RGS7: variants seen among roughly 807,000 people sequenced by gnomAD.
RGS7 encodes regulator of G-protein signaling 7.
A neutral mutation model predicts 81.1 loss-of-function variants in RGS7; 27 were observed. The ratio of observed to expected loss-of-function variants is 0.33; its 90% CI spans 0.25 to 0.46. The LOEUF is 0.46. Ranked by LOEUF, RGS7 falls within the 20% of genes least tolerant of loss-of-function variation. The pLI is 1.00. For missense variants in RGS7, 396 were observed against 607.4 expected (o/e 0.65, Z 3.66); for synonymous variants, 208 against 207.7 (o/e 1.00, Z -0.01).
intron 4 of RGS7, among the ~76,000 whole-genome samples, chr1:240,961,050 A>T (rs1177063187): frequency 1.3e-5 from 2 of 152,194 alleles, no homozygotes; most frequent in African/African-American, 4.8e-5. Flanking sequence ...AGAAATTTTT[A>T]TTCAGATAAT....
In RGS7 at chr1:240,835,801, G is replaced by A. The variant is rs112178303; in HGVS notation, c.610-8629C>T. On this transcript the variant is annotated intron_variant, in intron 9 of 18. Transcript: ENST00000440928. ...ACAAAAAGACAAGGAGGAACCTTAC[G>A]TGCGTATTACTAAGTGAAAGAAGCC... Among the ~76,000 whole-genome samples the A allele has an allele frequency of 1.5e-4, 23 of 152,234 alleles. 1 individual carries two copies. The highest frequency in any genetic ancestry group is 5.1e-4 in the African/African-American group (21 of 41,542).
At chr1:240,924,091 A>G (rs1394473255) in intron 6 of RGS7, among the ~76,000 whole-genome samples, 1 of 152,206 alleles carries the variant, frequency 6.6e-6, no homozygotes, top group Non-Finnish European at 1.5e-5. Context: ...GGATATGGCA[A>G]GCTTTCTACC....
At chr1:240,816,206 A>C (rs953130861) in intron 11 of RGS7, 111 bp downstream of exon 11, 14 of 761,194 alleles carry the variant, frequency 1.8e-5, no homozygotes, top group Admixed American at 3.6e-5. Context: ...CACATGAAAC[A>C]GTCAGTCATA....
At chr1:241,071,874 C>CAAAAAAGAAA (rs2062475038) in intron 3 of RGS7, among the ~76,000 whole-genome samples, 3 of 56,856 alleles carry the variant, frequency 5.3e-5, no homozygotes, top group Non-Finnish European at 8.6e-5. Flanking sequence ...GAGACCCTGT[C>CAAAAAAGAAA]AAAAAAAAAA....
intron 2 of RGS7, among the ~76,000 whole-genome samples, chr1:241,112,792 T>A (rs2065616490): frequency 6.6e-6 from 1 of 152,232 alleles, no homozygotes; most frequent in Non-Finnish European, 1.5e-5. Context: ...TGTTGCCGAT[T>A]CAAGGCACTA....
intron 2 of RGS7, among the ~76,000 whole-genome samples, chr1:241,127,073 T>C (rs922243122): frequency 6.6e-6 from 1 of 152,144 alleles, no homozygotes; most frequent in Non-Finnish European, 1.5e-5. Context: ...CACATAAACA[T>C]TTAAATTTCA....
intron 2 of RGS7, among the ~76,000 whole-genome samples, chr1:241,326,308 T>A (rs12066578): frequency 0.011 from 1,714 of 152,284 alleles, 34 homozygotes; most frequent in African/African-American, 0.039. Flanking sequence ...CCTCTCAAGA[T>A]CCTCCAGAAA....
At chr1:241,202,773 G>A (rs139783275) in intron 2 of RGS7, among the ~76,000 whole-genome samples, 2,575 of 149,794 alleles carry the variant, frequency 0.017, 32 homozygotes, top group Non-Finnish European at 0.03. Context: ...AGTGTAGGGG[G>A]CAGTTAGAGT....
chr1:240,923,982 T>G (rs1411121035), intron 6 of RGS7, among the ~76,000 whole-genome samples: 1 of 152,158 alleles, frequency 6.6e-6, no homozygotes, highest in Non-Finnish European at 1.5e-5. Flanking sequence ...TTTGGTTTTA[T>G]GTGTTTATTT....
At chr1:240,954,980 A>C (rs1406529546) in intron 4 of RGS7, among the ~76,000 whole-genome samples, 1 of 152,216 alleles carries the variant, frequency 6.6e-6, no homozygotes, top group African/African-American at 2.4e-5. Context: ...TGAATTTAAC[A>C]ATGCCATTCA....
intron 5 of RGS7, among the ~76,000 whole-genome samples, chr1:240,931,547 C>T (rs371758984): frequency 4.0e-5 from 6 of 151,800 alleles, no homozygotes; most frequent in African/African-American, 9.7e-5. Context: ...GTATTCCATA[C>T]GTATAAACAC....
At position 241,076,887 on chromosome 1, in the gene RGS7, C is replaced by T. The variant is rs192425719; in HGVS notation, c.175+21779G>A. 3.3e-4 allele frequency among the ~76,000 whole-genome samples: 50 copies of T among 152,244 alleles called. 1 individual carries two copies. In the East Asian group the frequency reaches 9.5e-3, roughly 29 times the overall value. ...AACTTTCAAAACTGTCATTTTTGTT[C>T]TCATGGTAAAAATCTGACTTTGTGT... On this transcript the variant is annotated intron_variant, in intron 3 of 18. Transcript: ENST00000440928.
chr1:241,152,142 A>T (rs2068800802), intron 2 of RGS7, among the ~76,000 whole-genome samples: 1 of 135,346 alleles, frequency 7.4e-6, no homozygotes, highest in Non-Finnish European at 1.5e-5. Flanking sequence ...TTAGCAGCCA[A>T]AAAAAAAAAA....
intron 9 of RGS7, among the ~76,000 whole-genome samples, chr1:240,863,532 G>A (rs1360675449): frequency 6.6e-6 from 1 of 152,034 alleles, no homozygotes; most frequent in African/African-American, 2.4e-5. Context: ...AATAACGTAT[G>A]TAGGTTGTTA....
At chr1:240,822,036 A>G (rs1691894523) in intron 10 of RGS7, among the ~76,000 whole-genome samples, 1 of 152,210 alleles carries the variant, frequency 6.6e-6, no homozygotes. Flanking sequence ...TATGTGGACA[A>G]ACATTACTGT....
chr1:241,251,190 T>G (rs1369905147), intron 2 of RGS7, among the ~76,000 whole-genome samples: 1 of 152,254 alleles, frequency 6.6e-6, no homozygotes, highest in African/African-American at 2.4e-5. Context: ...GTGGCATAGA[T>G]ACAAATTAAC....
intron 3 of RGS7, among the ~76,000 whole-genome samples, chr1:241,065,119 C>T (rs1260039878): frequency 6.6e-6 from 1 of 151,636 alleles, no homozygotes; most frequent in East Asian, 1.9e-4. Context: ...GCTAATTTGT[C>T]TGTGTGAGTC....
At chr1:241,353,611 C>A (rs954352209) in intron 2 of RGS7, among the ~76,000 whole-genome samples, 1 of 152,156 alleles carries the variant, frequency 6.6e-6, no homozygotes, top group African/African-American at 2.4e-5. Flanking sequence ...AATGCCTTAT[C>A]AAGAAAATCT....
At chr1:240,839,139 T>C (rs889960203) in intron 9 of RGS7, among the ~76,000 whole-genome samples, 3 of 152,192 alleles carry the variant, frequency 2.0e-5, no homozygotes, top group Non-Finnish European at 4.4e-5. Context: ...TGAGCTTTTA[T>C]GTGATTTTAT....
Sources: allele counts gnomAD v4.1 joint callset (sites outside exome capture counted in the v4.1 genomes callset), GRCh38; gene constraint gnomAD v4.1.1; transcripts MANE v1.5; gene names NCBI Gene and HGNC (gene_info 2026-07-23, HGNC 2026-07-21).